FMN2: variants seen among roughly 807,000 people sequenced by gnomAD.
FMN2 encodes formin 2.
In FMN2, 51 loss-of-function variants were observed where a neutral mutation model predicts 142.3. The ratio of observed to expected loss-of-function variants is 0.36; its 90% CI spans 0.29 to 0.45. The LOEUF (loss-of-function observed/expected upper bound fraction) is 0.45, where lower values mean the gene tolerates loss of function less well. Among genes scored for constraint, FMN2 ranks in the 20% least tolerant of loss-of-function variants. The probability of loss-of-function intolerance (pLI) is 1.00; values close to 1 mark genes in which losing one functional copy is unlikely to be tolerated. For synonymous variants in FMN2, 882 were observed against 869.8 expected (o/e 1.01, Z -0.25); for missense variants, 1,936 against 2,122.8 (o/e 0.91, Z 1.73).
chr1:240,217,379 G>A (rs1666945374), intron 6 of FMN2, among the ~76,000 whole-genome samples: 1 of 152,194 alleles, frequency 6.6e-6, no homozygotes, highest in Non-Finnish European at 1.5e-5. Context: ...GCAAGGGTGT[G>A]TTTTGGTTGA....
chr1:240,446,238 T>C (rs1675808094), intron 16 of FMN2, among the ~76,000 whole-genome samples: 1 of 152,186 alleles, frequency 6.6e-6, no homozygotes, highest in Non-Finnish European at 1.5e-5. Context: ...TTCCAAGAGG[T>C]GTTTTTAAAA....
intron 13 of FMN2, among the ~76,000 whole-genome samples, chr1:240,342,163 A>AT (rs890810522): frequency 7.2e-5 from 11 of 152,216 alleles, no homozygotes; most frequent in Admixed American, 2.6e-4. Context: ...AGATATTTAC[A>AT]TTTTTTAAAA....
At chr1:240,184,816 G>A (rs78043733) in intron 3 of FMN2, among the ~76,000 whole-genome samples, 4,828 of 151,872 alleles carry the variant, frequency 0.032, 260 homozygotes, top group African/African-American at 0.11. Context: ...GTTGGAACTA[G>A]GCTGATATCT....
At chr1:240,183,496 AAT>A (rs1665238764) in intron 3 of FMN2, among the ~76,000 whole-genome samples, 1 of 148,450 alleles carries the variant, frequency 6.7e-6, no homozygotes, top group South Asian at 2.1e-4. Flanking sequence ...TGAATTAGAT[AAT>A]ATATTGAATA....
chr1:240,187,269 CAAAAAAAAAA>C (rs10610560), intron 3 of FMN2, among the ~76,000 whole-genome samples: 1 of 83,794 alleles, frequency 1.2e-5, no homozygotes, highest in Admixed American at 1.6e-4. Flanking sequence ...AACTCCATCT[CAAAAAAAAAA>C]AAAAAAAAAA....
intron 16 of FMN2, among the ~76,000 whole-genome samples, chr1:240,463,492 T>G (rs908372195): frequency 6.6e-6 from 1 of 152,142 alleles, no homozygotes; most frequent in Non-Finnish European, 1.5e-5. Context: ...GGATTGGATC[T>G]AAAAGTCTTC....
intron 1 of FMN2, among the ~76,000 whole-genome samples, chr1:240,122,136 G>A (rs1032715409): frequency 1.3e-5 from 2 of 151,380 alleles, no homozygotes; most frequent in Admixed American, 6.6e-5. Flanking sequence ...TGCCCAGGCC[G>A]GAGTGCAATG....
chr1:240,267,263 A>G (rs1180221670), intron 7 of FMN2, among the ~76,000 whole-genome samples: 2 of 152,062 alleles, frequency 1.3e-5, no homozygotes, highest in African/African-American at 4.8e-5. Context: ...ACAAGCAAAA[A>G]ATAAATAGCC....
chr1:240,161,983 TG>T (rs1664299749), intron 2 of FMN2, among the ~76,000 whole-genome samples: 1 of 151,940 alleles, frequency 6.6e-6, no homozygotes, highest in African/African-American at 2.4e-5. Flanking sequence ...TGAAAGTAAA[TG>T]GGCTGGGTGT....
intron 6 of FMN2, among the ~76,000 whole-genome samples, chr1:240,235,513 G>C (rs1365702582): frequency 6.6e-6 from 1 of 151,874 alleles, no homozygotes; most frequent in Non-Finnish European, 1.5e-5. Context: ...CTGGGCTTAG[G>C]TGATTCTTCT....
intron 1 of FMN2, among the ~76,000 whole-genome samples, chr1:240,109,864 C>T (rs1571934426): frequency 6.6e-6 from 1 of 151,936 alleles, no homozygotes; most frequent in Non-Finnish European, 1.5e-5. Context: ...ATTATTATTA[C>T]TATTATTATT....
chr1:240,320,910 A>G (rs1670949736), intron 8 of FMN2, among the ~76,000 whole-genome samples: 1 of 152,234 alleles, frequency 6.6e-6, no homozygotes, highest in Non-Finnish European at 1.5e-5. Flanking sequence ...GAACCAAGGC[A>G]GTGACACCAA....
In FMN2 at chr1:240,164,250, C is replaced by A. The variant is rs149255719; in HGVS notation, c.1783-13671C>A. On this transcript the variant is annotated intron_variant, in intron 2 of 17. Transcript: ENST00000319653. ...TGCCTTTTTTGTTTTTTGGTACTTT[C>A]ACCTATTTCCTGACAAATTAAGCAA... Among the ~76,000 whole-genome samples, 711 of 152,184 alleles carry A rather than the reference C, an allele frequency of 4.7e-3. 2 individuals carry two copies. Among genetic ancestry groups the A allele is most frequent in the Middle Eastern group, 0.014 (4 of 294 alleles).
intron 16 of FMN2, among the ~76,000 whole-genome samples, chr1:240,442,881 G>A (rs551230918): frequency 4.6e-5 from 7 of 152,252 alleles, no homozygotes; most frequent in South Asian, 2.1e-4. Context: ...CTCCAGAATC[G>A]TAGAAAATCA....
intron 3 of FMN2, among the ~76,000 whole-genome samples, chr1:240,185,481 A>G (rs1665403423): frequency 6.6e-6 from 1 of 152,226 alleles, no homozygotes; most frequent in Non-Finnish European, 1.5e-5. Context: ...GGGAGAATGA[A>G]TTCAGTTCAG....
intron 7 of FMN2, among the ~76,000 whole-genome samples, chr1:240,258,597 G>A (rs1162852786): frequency 6.6e-6 from 1 of 152,170 alleles, no homozygotes; most frequent in Non-Finnish European, 1.5e-5. Flanking sequence ...TGGGAGTGAG[G>A]TTTGCAACAT....
At chr1:240,370,429 C>T (rs1302428570) in intron 14 of FMN2, among the ~76,000 whole-genome samples, 1 of 152,166 alleles carries the variant, frequency 6.6e-6, no homozygotes, top group African/African-American at 2.4e-5. Context: ...GCTCATTTCT[C>T]TACTTACCCA....
At chr1:240,336,419 G>A (rs1340932220) in intron 13 of FMN2, among the ~76,000 whole-genome samples, 2 of 151,950 alleles carry the variant, frequency 1.3e-5, no homozygotes, top group Non-Finnish European at 2.9e-5. Context: ...GGCCAACAAT[G>A]ATCACATTTG....
intron 2 of FMN2, chr1:240,170,720 T>C: frequency 6.5e-7 from 1 of 1,540,880 alleles, no homozygotes; most frequent in Admixed American, 1.7e-5. Flanking sequence ...GGTGCTGCTG[T>C]GAACACTGTC....
Sources: allele counts gnomAD v4.1 joint callset (sites outside exome capture counted in the v4.1 genomes callset), GRCh38; gene constraint gnomAD v4.1.1; transcripts MANE v1.5; gene names NCBI Gene and HGNC (gene_info 2026-07-23, HGNC 2026-07-21).